Variants in JAM3 observed in about 807,000 individuals in gnomAD.
The protein encoded by JAM3 is junctional adhesion molecule 3.
Under a neutral mutation model 39.4 loss-of-function variants are expected in JAM3, and 31 were observed. The ratio of observed to expected loss-of-function variants is 0.79; its 90% CI spans 0.59 to 1.06. The LOEUF is 1.06. Among genes scored for constraint, JAM3 ranks in the 50% least tolerant of loss-of-function variants. JAM3 has a pLI of 0.00. For missense variants in JAM3, 455 were observed against 391.4 expected (o/e 1.16, Z -1.37); for synonymous variants, 182 against 148.7 (o/e 1.22, Z -1.63).
intron 1 of JAM3, among the ~76,000 whole-genome samples, chr11:134,070,813 T>C (rs1941473488): frequency 6.6e-6 from 1 of 152,242 alleles, no homozygotes; most frequent in South Asian, 2.1e-4. Context: ...CACTTACCCT[T>C]AACCTCTGAT....
At chr11:134,106,990 C>T (rs1049700018) in intron 1 of JAM3, among the ~76,000 whole-genome samples, 1 of 152,010 alleles carries the variant, frequency 6.6e-6, no homozygotes, top group African/African-American at 2.4e-5. Flanking sequence ...GGGTATATAC[C>T]CAAAGGATTA....
In JAM3 at chr11:134,145,992, T is replaced by C. The variant is rs747651494; in HGVS notation, c.659T>C (p.Ile220Thr). The change falls in exon 6 of 9, where the codon ATT (isoleucine) becomes ACT (threonine). Residue 220 changes from isoleucine (I) to threonine (T), a missense_variant. By Grantham distance (89) the Ile-to-Thr change is moderately conservative. Transcript: ENST00000299106. ...GACGACTCTGGGCAGTACTACTGCA[T>C]TGCTTCCAATGACGCAGGCTCAGCC... is the stretch of plus-strand genomic sequence containing the variant. ...HKDDSGQYYC[I>T]ASNDAGSARC... The C allele has an allele frequency of 1.2e-6, 2 of 1,614,144 alleles. No individual in the cohort carries two copies. The highest frequency in any genetic ancestry group is 1.7e-6 in the Non-Finnish European group (2 of 1,179,984).
chr11:134,150,069 T>C lies in JAM3; in HGVS notation c.*888T>C, dbSNP rs953071444. The C allele has an allele frequency of 6.4e-6, 1 of 155,908 alleles. No homozygotes were observed. Among genetic ancestry groups the C allele is most frequent in the African/African-American group, 2.4e-5 (1 of 41,462 alleles). 9.7% of individuals were successfully genotyped at this position (155,908 alleles called of 1,614,324 possible). A position where few individuals can be genotyped will look rare whatever the true frequency, so the allele number is the denominator to read the frequency against. ...GGTAGAAGTTCCAAGCTACTAGTGT[T>C]AAATTGGAAAATATCAATAATTAAG... On this transcript the variant is annotated 3_prime_UTR_variant, in exon 9 of 9. Transcript: ENST00000299106.
At chr11:134,092,040 ACTC>A (rs938621912) in intron 1 of JAM3, among the ~76,000 whole-genome samples, 3 of 151,748 alleles carry the variant, frequency 2.0e-5, no homozygotes, top group African/African-American at 2.4e-5. Context: ...TAAGTATACT[ACTC>A]TTTTCATCCC....
chr11:134,141,618 G>A (rs914417454), intron 3 of JAM3, among the ~76,000 whole-genome samples: 2 of 152,140 alleles, frequency 1.3e-5, no homozygotes, highest in African/African-American at 4.8e-5. Context: ...AGAAGAGATT[G>A]GAGGCGGCAC....
intron 6 of JAM3, 26 bp from the exon 7 acceptor site, chr11:134,148,521 C>T (rs753387122): frequency 6.2e-7 from 1 of 1,614,154 alleles, no homozygotes; most frequent in East Asian, 2.2e-5. Flanking sequence ...TGTATCATGG[C>T]TTCCACCAAA....
chr11:134,121,476 C>T (rs1942531108), intron 1 of JAM3, among the ~76,000 whole-genome samples: 1 of 145,736 alleles, frequency 6.9e-6, no homozygotes, highest in Non-Finnish European at 1.5e-5. Flanking sequence ...CAGCTCCCTC[C>T]TTTTTTTTTT....
intron 1 of JAM3, among the ~76,000 whole-genome samples, chr11:134,127,830 G>T (rs954928374): frequency 6.6e-6 from 1 of 152,186 alleles, no homozygotes; most frequent in African/African-American, 2.4e-5. Flanking sequence ...AGGCATAGAA[G>T]AGAGGAAACA....
chr11:134,082,885 GTGTC>G (rs1941690117), intron 1 of JAM3, among the ~76,000 whole-genome samples: 1 of 152,198 alleles, frequency 6.6e-6, no homozygotes, highest in Admixed American at 6.5e-5. Flanking sequence ...TATTTTTAGA[GTGTC>G]TGCTGAAATA....
At chr11:134,111,250 TCTC>T (rs1309475620) in intron 1 of JAM3, among the ~76,000 whole-genome samples, 1 of 149,128 alleles carries the variant, frequency 6.7e-6, no homozygotes, top group Non-Finnish European at 1.5e-5. Flanking sequence ...TTCACGCCAT[TCTC>T]CTGCCTCAGC....
intron 1 of JAM3, among the ~76,000 whole-genome samples, chr11:134,085,412 A>G (rs569801921): frequency 6.6e-6 from 1 of 152,364 alleles, no homozygotes; most frequent in Non-Finnish European, 1.5e-5. Flanking sequence ...AAGATCCTAA[A>G]TATGTAGCAA....
At chr11:134,076,299 C>T (rs1432073745) in intron 1 of JAM3, among the ~76,000 whole-genome samples, 2 of 151,504 alleles carry the variant, frequency 1.3e-5, no homozygotes, top group Admixed American at 6.6e-5. Context: ...GGATTACAGG[C>T]GGCCGCCACC....
intron 1 of JAM3, among the ~76,000 whole-genome samples, chr11:134,108,501 C>T (rs470960): frequency 0.4 from 60,130 of 152,028 alleles, 12,937 homozygotes; most frequent in African/African-American, 0.58. Flanking sequence ...CAATTTCCCT[C>T]GTGAACATAG....
chr11:134,076,131 CCTTTTCTTTT>C lies in JAM3; in HGVS notation c.76+6982_76+6991del, dbSNP rs373065158. ...TTTTTGCTTGCTTAATTTTTTTACTCCTTTTCTTTTCTTTTCTTTCTTTTTTTTTTTTTTT... is the reference window on the plus strand; with the variant it reads ...TTTTTGCTTGCTTAATTTTTTTACTCCTTTTCTTTCTTTTTTTTTTTTTTT... On this transcript the variant is annotated intron_variant, in intron 1 of 8. Coordinates refer to ENST00000299106, the MANE Select transcript of JAM3 (RefSeq NM_032801.5). Among the ~76,000 whole-genome samples the C allele has an allele frequency of 5.4e-5, 8 of 147,972 alleles. No homozygotes were observed. The East Asian group carries it at 1.4e-3, about 26-fold the overall frequency.
intron 1 of JAM3, among the ~76,000 whole-genome samples, chr11:134,109,203 C>T (rs1320346712): frequency 6.6e-6 from 1 of 152,110 alleles, no homozygotes; most frequent in African/African-American, 2.4e-5. Context: ...CTCATGTGAT[C>T]CACCCACCTC....
At chr11:134,136,550 A>G (rs1942868413) in intron 1 of JAM3, among the ~76,000 whole-genome samples, 1 of 152,164 alleles carries the variant, frequency 6.6e-6, no homozygotes. Context: ...TTGGAAATAG[A>G]AGAATTGTGA....
chr11:134,126,679 G>A (rs1335517549), intron 1 of JAM3, among the ~76,000 whole-genome samples: 5 of 152,238 alleles, frequency 3.3e-5, no homozygotes, highest in African/African-American at 1.2e-4. Flanking sequence ...GTCTATGACA[G>A]AGCTAGGATA....
rs759752631 is a variant in JAM3, at chr11:134,149,215, A to G, written c.*34A>G. ...GTGTGGCTGAGAGCGCACAGAGCGC[A>G]CGTGCACATACCTCTGCTAGAAACT... On this transcript the variant is annotated 3_prime_UTR_variant, in exon 9 of 9. Coordinates refer to ENST00000299106, the MANE Select transcript of JAM3 (RefSeq NM_032801.5). 7.4e-6 allele frequency: 12 copies of G among 1,613,472 alleles called. No individual in the cohort carries two copies. The highest frequency in any genetic ancestry group is 1.3e-5 in the African/African-American group (1 of 74,936).
intron 1 of JAM3, among the ~76,000 whole-genome samples, chr11:134,098,248 C>T (rs988333260): frequency 1.3e-5 from 2 of 152,066 alleles, no homozygotes; most frequent in Non-Finnish European, 2.9e-5. Flanking sequence ...AAATGGACTG[C>T]TTTTTAGGGA....
Sources: allele counts gnomAD v4.1 joint callset (sites outside exome capture counted in the v4.1 genomes callset), GRCh38; gene constraint gnomAD v4.1.1; transcripts MANE v1.5; gene names NCBI Gene and HGNC (gene_info 2026-07-23, HGNC 2026-07-21).